EPHA5: variants seen among roughly 807,000 people sequenced by gnomAD.
EPHA5 encodes ephrin type-A receptor 5.
EPHA5 carries 60 observed loss-of-function variants against 105.0 expected under a neutral mutation model. The ratio of observed to expected loss-of-function variants is 0.57; its 90% confidence interval spans 0.46 to 0.71. The LOEUF is 0.71. Among genes scored for constraint, EPHA5 ranks in the 30% least tolerant of loss-of-function variants. The probability of loss-of-function intolerance (pLI) is 0.00; values close to 1 mark genes in which losing one functional copy is unlikely to be tolerated. For synonymous variants in EPHA5, 513 were observed against 449.1 expected (o/e 1.14, Z -1.80); for missense variants, 1,218 against 1,274.7 (o/e 0.96, Z 0.68).
intron 2 of EPHA5, among the ~76,000 whole-genome samples, chr4:65,618,412 G>T (rs546429567): frequency 6.6e-6 from 1 of 151,862 alleles, no homozygotes. Context: ...TAAAAGAAAA[G>T]AAAAAAATTT....
intron 2 of EPHA5, among the ~76,000 whole-genome samples, chr4:65,638,515 A>C (rs1229118912): frequency 6.6e-6 from 1 of 152,160 alleles, no homozygotes; most frequent in Non-Finnish European, 1.5e-5. Flanking sequence ...AGGCAGGCGT[A>C]TCACCTGAAG....
At position 65,319,794 on chromosome 4, in the gene EPHA5, T is replaced by A; in HGVS notation, c.*4320A>T. On this transcript the variant is annotated 3_prime_UTR_variant, in exon 17 of 17. Coordinates refer to ENST00000613740, the MANE Select transcript of EPHA5 (RefSeq NM_001281766.3). ...TTCTGACATGTCTGAAACTAAGAGA[T>A]TTTGGTAAAAATACTAACAAATGAC... 1 of 228,584 alleles carries A rather than the reference T, an allele frequency of 4.4e-6. No homozygotes were observed. Among genetic ancestry groups the A allele is most frequent in the South Asian group, 1.8e-4 (1 of 5,490 alleles). The allele number at this position is 228,584 out of a possible 1,614,324, so 14.2% of individuals were successfully genotyped here.
intron 15 of EPHA5, among the ~76,000 whole-genome samples, chr4:65,333,182 G>T (rs1241285082): frequency 2.0e-5 from 3 of 150,832 alleles, no homozygotes; most frequent in Non-Finnish European, 2.9e-5. Context: ...TAATTTACAT[G>T]CCCATTATGT....
rs2149438850 is a variant in EPHA5, at chr4:65,601,892, C to A, written c.659G>T (p.Cys220Phe). 2 of 1,614,132 alleles carry A rather than the reference C, an allele frequency of 1.2e-6. No individual in the cohort carries two copies. Among genetic ancestry groups the A allele is most frequent in the Non-Finnish European group, 1.7e-6 (2 of 1,180,014 alleles). ...FYLAFQDVGA[C>F]IALVSVRVYY... is the part of the protein sequence containing the mutation. ...TACACGCACAGAAACCAGAGCAATG[C>A]AAGCACCAACATCTTGAAAAGCAAG... Residue 220 changes from cysteine to phenylalanine, a missense_variant, in exon 3 of 17, where the codon TGC (cysteine) becomes TTC (phenylalanine). Transcript: ENST00000613740.
chr4:65,632,392 C>T (rs1053776028), intron 2 of EPHA5, among the ~76,000 whole-genome samples: 11 of 147,868 alleles, frequency 7.4e-5, no homozygotes, highest in Admixed American at 2.0e-4. Flanking sequence ...TCCTGTTTAC[C>T]ACCATAATCT....
intron 3 of EPHA5, among the ~76,000 whole-genome samples, chr4:65,576,052 A>G (rs1164418295): frequency 4.5e-4 from 43 of 95,584 alleles, no homozygotes; most frequent in African/African-American, 1.8e-3. Flanking sequence ...GAAAGAAAGA[A>G]AGAAAGAAAA....
At chr4:65,502,254 G>A (rs534579710) in intron 3 of EPHA5, among the ~76,000 whole-genome samples, 1 of 151,480 alleles carries the variant, frequency 6.6e-6, no homozygotes, top group Non-Finnish European at 1.5e-5. Context: ...AATGAAAAGC[G>A]GGATCTAAGT....
At chr4:65,575,208 C>A (rs1740769170) in intron 3 of EPHA5, among the ~76,000 whole-genome samples, 1 of 152,000 alleles carries the variant, frequency 6.6e-6, no homozygotes, top group Non-Finnish European at 1.5e-5. Flanking sequence ...TCATTCTGGT[C>A]CACTGAAAGT....
intron 3 of EPHA5, among the ~76,000 whole-genome samples, chr4:65,576,823 A>G (rs1741103446): frequency 6.6e-6 from 1 of 152,208 alleles, no homozygotes. Context: ...GAAAAGTTCA[A>G]CAAGTTAGGA....
At chr4:65,338,470 C>A (rs1009905413) in intron 14 of EPHA5, among the ~76,000 whole-genome samples, 3 of 151,904 alleles carry the variant, frequency 2.0e-5, no homozygotes, top group Admixed American at 2.0e-4. Flanking sequence ...TCTTTAGCAC[C>A]CTTTTTTTTT....
chr4:65,376,694 A>G (rs1719039900), intron 8 of EPHA5, among the ~76,000 whole-genome samples: 1 of 152,010 alleles, frequency 6.6e-6, no homozygotes, highest in South Asian at 2.1e-4. Context: ...TACTTCATGG[A>G]ACAACAAAAA....
chr4:65,564,985 T>G (rs1739381773), intron 3 of EPHA5, among the ~76,000 whole-genome samples: 1 of 151,726 alleles, frequency 6.6e-6, no homozygotes, highest in African/African-American at 2.4e-5. Context: ...TAATTTCCAC[T>G]TATTCATTAC....
chr4:65,512,802 C>T (rs1245563939), intron 3 of EPHA5, among the ~76,000 whole-genome samples: 4 of 152,032 alleles, frequency 2.6e-5, no homozygotes, highest in African/African-American at 4.8e-5. Context: ...TGTTTCATAC[C>T]GATCTCATGG....
chr4:65,509,298 T>C (rs1461663254), intron 3 of EPHA5, among the ~76,000 whole-genome samples: 2 of 152,284 alleles, frequency 1.3e-5, no homozygotes, highest in East Asian at 1.9e-4. Flanking sequence ...TATTTCATAG[T>C]ATTATATATT....
chr4:65,622,300 G>A (rs1472370233), intron 2 of EPHA5, among the ~76,000 whole-genome samples: 2 of 151,816 alleles, frequency 1.3e-5, no homozygotes, highest in African/African-American at 2.4e-5. Context: ...TAGAAATAAC[G>A]GTAAATTCAT....
At chr4:65,499,135 T>G (rs1202148275) in intron 3 of EPHA5, among the ~76,000 whole-genome samples, 3 of 151,706 alleles carry the variant, frequency 2.0e-5, no homozygotes, top group Non-Finnish European at 4.4e-5. Flanking sequence ...TCATTTGTCT[T>G]GAGAAAATAA....
chr4:65,332,440 G>A (rs993685777), intron 15 of EPHA5, among the ~76,000 whole-genome samples: 1 of 151,640 alleles, frequency 6.6e-6, no homozygotes, highest in Non-Finnish European at 1.5e-5. Flanking sequence ...AGAATTTTTA[G>A]GACAATAAAA....
chr4:65,514,294 G>A (rs1733898613), intron 3 of EPHA5, among the ~76,000 whole-genome samples: 1 of 152,040 alleles, frequency 6.6e-6, no homozygotes, highest in Admixed American at 6.6e-5. Context: ...GAGATCCTCT[G>A]TCCCCTGAAT....
chr4:65,422,147 T>C (rs973585959), intron 5 of EPHA5, among the ~76,000 whole-genome samples: 2 of 152,132 alleles, frequency 1.3e-5, no homozygotes, highest in East Asian at 3.8e-4. Flanking sequence ...TAGCTAAGAA[T>C]ACACTTTAAA....
Sources: allele counts gnomAD v4.1 joint callset (sites outside exome capture counted in the v4.1 genomes callset), GRCh38; gene constraint gnomAD v4.1.1; transcripts MANE v1.5; gene names NCBI Gene and HGNC (gene_info 2026-07-23, HGNC 2026-07-21).